The following PTDSS1 variants were observed in gnomAD, a reference collection of about 807,000 sequenced individuals.
PTDSS1 encodes the protein phosphatidylserine synthase 1.
Under a neutral mutation model 70.5 loss-of-function variants are expected in PTDSS1, and 45 were observed. The observed-to-expected ratio is 0.64, with a 90% CI of 0.50 to 0.82. The LOEUF (loss-of-function observed/expected upper bound fraction) is 0.82, where lower values mean the gene tolerates loss of function less well. PTDSS1 is among the 40% of genes least tolerant of loss of function. The probability of loss-of-function intolerance (pLI) is 0.00; values close to 1 mark genes in which losing one functional copy is unlikely to be tolerated. For missense variants in PTDSS1, 417 were observed against 586.1 expected (o/e 0.71, Z 2.98); for synonymous variants, 188 against 203.8 (o/e 0.92, Z 0.66).
At chr8:96,304,312 C>A (rs1811093965) in intron 7 of PTDSS1, 131 bp downstream of exon 7, 1 of 1,103,622 alleles carries the variant, frequency 9.1e-7, no homozygotes, top group Non-Finnish European at 1.2e-6. Flanking sequence ...TATTCTGCAG[C>A]TGGCATGTAG....
At chr8:96,326,555 C>T (rs914113862) in intron 10 of PTDSS1, among the ~76,000 whole-genome samples, 7 of 152,170 alleles carry the variant, frequency 4.6e-5, no homozygotes, top group African/African-American at 1.7e-4. Flanking sequence ...GGGGGGCAAA[C>T]ATACAAAGAC....
intron 10 of PTDSS1, among the ~76,000 whole-genome samples, chr8:96,320,602 G>C (rs1811360451): frequency 6.6e-6 from 1 of 152,100 alleles, no homozygotes; most frequent in Non-Finnish European, 1.5e-5. Flanking sequence ...GCATTTCCTT[G>C]ACTCACGAGA....
At chr8:96,297,395 C>T (rs1279820576) in intron 5 of PTDSS1, among the ~76,000 whole-genome samples, 1 of 152,162 alleles carries the variant, frequency 6.6e-6, no homozygotes, top group East Asian at 1.9e-4. Context: ...CCAGGCTGGT[C>T]TCTAACTCCT....
intron 7 of PTDSS1, among the ~76,000 whole-genome samples, chr8:96,304,938 C>T (rs760992166): frequency 1.1e-4 from 17 of 152,208 alleles, no homozygotes; most frequent in Non-Finnish European, 1.0e-4. Flanking sequence ...TAGCAGATGT[C>T]ACTTTTAGGA....
intron 4 of PTDSS1, among the ~76,000 whole-genome samples, chr8:96,292,437 G>T (rs1810921103): frequency 6.6e-6 from 1 of 152,146 alleles, no homozygotes; most frequent in Non-Finnish European, 1.5e-5. Context: ...GTTAAAAATG[G>T]TACAGTCTGT....
At position 96,261,933 on chromosome 8, in the gene PTDSS1, A is replaced by T; in HGVS notation, c.-108A>T. On this transcript the variant is annotated 5_prime_UTR_variant, in exon 1 of 13. Coordinates refer to ENST00000517309, the MANE Select transcript of PTDSS1 (RefSeq NM_014754.3). ...GCTCCCAGCCTTTGCTGGGCGCCAG[A>T]CCCGGCTTTGCCGTCCGGCTATTAG... 8.2e-7 allele frequency: 1 copy of T among 1,215,196 alleles called. No individual in the cohort carries two copies. The highest frequency in any genetic ancestry group is 1.1e-6 in the Non-Finnish European group (1 of 883,902). 75.3% of individuals were successfully genotyped at this position (1,215,196 alleles called of 1,614,324 possible).
chr8:96,315,570 G>T (rs1811276295), intron 9 of PTDSS1, among the ~76,000 whole-genome samples: 1 of 152,120 alleles, frequency 6.6e-6, no homozygotes, highest in Non-Finnish European at 1.5e-5. Context: ...CCTGACTCTG[G>T]GCTCTACATT....
chr8:96,332,753 G>C (rs1398324532), intron 12 of PTDSS1, among the ~76,000 whole-genome samples: 1 of 152,242 alleles, frequency 6.6e-6, no homozygotes, highest in Non-Finnish European at 1.5e-5. Flanking sequence ...TAAGTCAAAT[G>C]CTCCTTACAG....
At chr8:96,279,531 T>A (rs1019673613) in intron 2 of PTDSS1, among the ~76,000 whole-genome samples, 99 of 151,436 alleles carry the variant, frequency 6.5e-4, no homozygotes, top group African/African-American at 2.2e-3. Flanking sequence ...AAAAAAAAAA[T>A]TTTCCAGCCC....
intron 10 of PTDSS1, among the ~76,000 whole-genome samples, chr8:96,320,612 A>G (rs1563583099): frequency 6.6e-6 from 1 of 152,148 alleles, no homozygotes; most frequent in Non-Finnish European, 1.5e-5. Flanking sequence ...GACTCACGAG[A>G]ATTTGTCTGC....
At chr8:96,312,465 T>C (rs1479746293) in intron 9 of PTDSS1, among the ~76,000 whole-genome samples, 1 of 150,124 alleles carries the variant, frequency 6.7e-6, no homozygotes, top group Non-Finnish European at 1.5e-5. Flanking sequence ...TCTCTCTCTT[T>C]TTTTTTTTTT....
chr8:96,309,351 C>T, intron 8 of PTDSS1: 1 of 458,770 alleles, frequency 2.2e-6, no homozygotes, highest in Non-Finnish European at 3.9e-6. Flanking sequence ...ATGATGCTCC[C>T]CTGCCTCCAG....
At chr8:96,324,397 C>G (rs1265245724) in intron 10 of PTDSS1, among the ~76,000 whole-genome samples, 1 of 152,212 alleles carries the variant, frequency 6.6e-6, no homozygotes, top group Admixed American at 6.5e-5. Flanking sequence ...AACCACCCCA[C>G]TTTTTGGTAC....
At chr8:96,314,610 C>T (rs138051916) in intron 9 of PTDSS1, among the ~76,000 whole-genome samples, 2,017 of 151,992 alleles carry the variant, frequency 0.013, 23 homozygotes, top group Non-Finnish European at 0.019. Context: ...ACAGTAGTTA[C>T]ATTTGAGATG....
chr8:96,297,326 G>A (rs1192661825), intron 5 of PTDSS1, among the ~76,000 whole-genome samples: 2 of 152,094 alleles, frequency 1.3e-5, no homozygotes, highest in Non-Finnish European at 2.9e-5. Flanking sequence ...TTACAGGCGT[G>A]TGCCACCACA....
intron 6 of PTDSS1, among the ~76,000 whole-genome samples, 195 bp downstream of exon 6, chr8:96,300,040 T>A (rs970281172): frequency 6.6e-6 from 1 of 152,224 alleles, no homozygotes; most frequent in Non-Finnish European, 1.5e-5. Flanking sequence ...TGATTTTCTC[T>A]CTCTCACCCT....
intron 9 of PTDSS1, among the ~76,000 whole-genome samples, chr8:96,311,499 G>A (rs1811211346): frequency 6.6e-6 from 1 of 152,148 alleles, no homozygotes; most frequent in South Asian, 2.1e-4. Flanking sequence ...GATAATCATT[G>A]TTAATATTTT....
intron 4 of PTDSS1, among the ~76,000 whole-genome samples, chr8:96,288,957 C>T (rs1023858738): frequency 2.1e-4 from 31 of 150,868 alleles, no homozygotes; most frequent in Admixed American, 2.6e-4. Context: ...CTTTCCAAGA[C>T]GGAGTCTCGC....
intron 2 of PTDSS1, among the ~76,000 whole-genome samples, chr8:96,276,961 T>TAC (rs10658525): frequency 0.066 from 8,749 of 132,492 alleles, 870 homozygotes; most frequent in African/African-American, 0.26. Flanking sequence ...CCCGGGCACA[T>TAC]ACACGCGCGC....
Sources: allele counts gnomAD v4.1 joint callset (sites outside exome capture counted in the v4.1 genomes callset), GRCh38; gene constraint gnomAD v4.1.1; transcripts MANE v1.5; gene names NCBI Gene and HGNC (gene_info 2026-07-23, HGNC 2026-07-21).